The following TMED8 variants were observed in gnomAD, a reference collection of about 807,000 sequenced individuals.
TMED8 encodes protein TMED8.
TMED8 carries 15 observed loss-of-function variants against 32.7 expected under a neutral mutation model. That is an observed-to-expected ratio of 0.46 (90% confidence interval 0.31 to 0.71). The LOEUF is 0.71. Among genes scored for constraint, TMED8 ranks in the 30% least tolerant of loss-of-function variants. The probability of loss-of-function intolerance (pLI) is 0.06; values close to 1 mark genes in which losing one functional copy is unlikely to be tolerated. For synonymous variants in TMED8, 147 were observed against 161.4 expected, an observed-to-expected ratio of 0.91 and a Z score of 0.68; for missense variants, 390 against 423.9, an observed-to-expected ratio of 0.92 and a Z score of 0.70.
At chr14:77,358,107 G>T (rs1316457676) in intron 1 of TMED8, among the ~76,000 whole-genome samples, 2 of 137,100 alleles carry the variant, frequency 1.5e-5, no homozygotes, top group African/African-American at 5.5e-5. Context: ...CTGGGTGATG[G>T]AGTGAGGCTC....
intron 1 of TMED8, among the ~76,000 whole-genome samples, chr14:77,356,151 CT>C (rs1228620422): frequency 6.6e-6 from 1 of 152,016 alleles, no homozygotes; most frequent in Non-Finnish European, 1.5e-5. Context: ...ACAATGAGCT[CT>C]TTTTTTCTTT....
At chr14:77,370,320 A>G (rs1893648729) in intron 1 of TMED8, among the ~76,000 whole-genome samples, 2 of 152,222 alleles carry the variant, frequency 1.3e-5, no homozygotes, top group Non-Finnish European at 2.9e-5. Context: ...GACAGAAATG[A>G]AACTAGCACA....
intron 2 of TMED8, 55 bp from the exon 3 acceptor site, chr14:77,346,533 T>C: frequency 1.9e-6 from 3 of 1,604,800 alleles, no homozygotes; most frequent in Non-Finnish European, 2.6e-6. Flanking sequence ...GACTCAATCA[T>C]CCTGGAGAAA....
At chr14:77,343,590 G>A (rs1026299652) in intron 4 of TMED8, 107 bp from the exon 5 acceptor site, 7 of 1,575,292 alleles carry the variant, frequency 4.4e-6, no homozygotes, top group Non-Finnish European at 6.0e-6. Context: ...CTACTGGCTT[G>A]ACTTCCTTTC....
chr14:77,375,242 T>C (rs1226927563), intron 1 of TMED8, among the ~76,000 whole-genome samples: 1 of 151,978 alleles, frequency 6.6e-6, no homozygotes, highest in Non-Finnish European at 1.5e-5. Flanking sequence ...AAAAAAATTA[T>C]CACCCTGCAT....
At chr14:77,369,071 G>T (rs143299291) in intron 1 of TMED8, among the ~76,000 whole-genome samples, 1 of 151,930 alleles carries the variant, frequency 6.6e-6, no homozygotes, top group East Asian at 1.9e-4. Context: ...GATTTTTTGT[G>T]TATGATGTGT....
At position 77,346,346 on chromosome 14, in the gene TMED8, T is replaced by C. The variant is rs1171651831; in HGVS notation, c.327+3A>G. ...TAAGAAAGAGCCAGAATCTGCCCCCTACCTCATTGAGGACCTGGGCCTGGT... is the reference window on the plus strand; with the variant it reads ...TAAGAAAGAGCCAGAATCTGCCCCCCACCTCATTGAGGACCTGGGCCTGGT... On this transcript the variant is annotated splice_donor_region_variant and intron_variant, in intron 3 of 5. Transcript: ENST00000216468. 4 of 1,613,900 alleles carry C rather than the reference T, an allele frequency of 2.5e-6. No individual in the cohort carries two copies. Among genetic ancestry groups the C allele is most frequent in the Non-Finnish European group, 8.5e-7 (1 of 1,179,940 alleles).
intron 2 of TMED8, among the ~76,000 whole-genome samples, chr14:77,348,094 T>C (rs1305482491): frequency 6.6e-6 from 1 of 152,236 alleles, no homozygotes; most frequent in African/African-American, 2.4e-5. Flanking sequence ...AAGAGATTTA[T>C]GTCTCTCTTT....
chr14:77,342,371 AG>A (rs1304422927), intron 5 of TMED8, among the ~76,000 whole-genome samples: 1 of 152,186 alleles, frequency 6.6e-6, no homozygotes, highest in African/African-American at 2.4e-5. Context: ...ATCATTTAGT[AG>A]GTGAAAGGAC....
intron 2 of TMED8, among the ~76,000 whole-genome samples, chr14:77,348,935 G>A (rs1006361085): frequency 2.6e-5 from 4 of 151,878 alleles, no homozygotes; most frequent in Non-Finnish European, 4.4e-5. Flanking sequence ...CTAGGCTGTG[G>A]GTCTATTTTA....
At chr14:77,349,744 C>A (rs541523213) in intron 2 of TMED8, among the ~76,000 whole-genome samples, 46 of 152,280 alleles carry the variant, frequency 3.0e-4, no homozygotes, top group African/African-American at 9.9e-4. Flanking sequence ...CCTATTACTG[C>A]CTGACATGAT....
intron 4 of TMED8, 46 bp downstream of exon 4, chr14:77,343,651 G>A (rs1351448912): frequency 1.9e-6 from 3 of 1,606,588 alleles, no homozygotes; most frequent in East Asian, 2.2e-5. Flanking sequence ...CTTTCTTTGA[G>A]TATCTACTGG....
In TMED8 at chr14:77,338,006, A is replaced by C. The variant is rs1892804915; in HGVS notation, c.*3765T>G. 1 of 152,134 alleles carries C rather than the reference A, an allele frequency of 6.6e-6. No individual in the cohort carries two copies. Among genetic ancestry groups the C allele is most frequent in the African/African-American group, 2.4e-5 (1 of 41,434 alleles). The allele number at this position is 152,134 out of a possible 1,614,324, so 9.4% of individuals were successfully genotyped here. On this transcript the variant is annotated 3_prime_UTR_variant, in exon 6 of 6. Coordinates refer to ENST00000216468, the MANE Select transcript of TMED8 (RefSeq NM_213601.3). ...AGGGGATCTCAAAGGAACCTGAAAA[A>C]CTAGTCCATGATGGGAAGACAGGGT...
intron 2 of TMED8, 96 bp from the exon 3 acceptor site, chr14:77,346,574 C>T: frequency 6.9e-7 from 1 of 1,448,576 alleles, no homozygotes. Context: ...CGAGATACCC[C>T]CTGCCCCACC....
rs933807791 is a variant in TMED8 at position 77,337,432 on chromosome 14, A to G, written c.*4339T>C. The G allele has an allele frequency of 2.0e-5, 3 of 152,048 alleles. No individual in the cohort carries two copies. Among genetic ancestry groups the G allele is most frequent in the Admixed American group, 6.6e-5 (1 of 15,248 alleles). The allele number at this position is 152,048 out of a possible 1,614,324, so 9.4% of individuals were successfully genotyped here. ...GAGACGGAATCTTGCTCTGTTGCCC[A>G]GTCTGGAGTGCAGTGGCATGATCTC... On this transcript the variant is annotated 3_prime_UTR_variant, in exon 6 of 6. Coordinates refer to ENST00000216468, the MANE Select transcript of TMED8 (RefSeq NM_213601.3).
At chr14:77,349,683 T>C (rs1893135751) in intron 2 of TMED8, among the ~76,000 whole-genome samples, 1 of 152,240 alleles carries the variant, frequency 6.6e-6, no homozygotes, top group Non-Finnish European at 1.5e-5. Context: ...TGCCCCTTCC[T>C]GGCCTTGTCA....
chr14:77,336,750 C>T lies in TMED8; in HGVS notation c.*5021G>A, dbSNP rs1159831190. ...TAACTTATGCCCCTCCCTTATGCTC[C>T]ACTAAAACAAGTCTCTTATGTAAAT... On this transcript the variant is annotated 3_prime_UTR_variant, in exon 6 of 6. Coordinates refer to ENST00000216468, the MANE Select transcript of TMED8 (RefSeq NM_213601.3). 6.6e-6 allele frequency: 1 copy of T among 152,030 alleles called. No individual in the cohort carries two copies. The highest frequency in any genetic ancestry group is 1.5e-5 in the Non-Finnish European group (1 of 68,022). The allele number at this position is 152,030 out of a possible 1,614,324, so 9.4% of individuals were successfully genotyped here. A position where few individuals can be genotyped will look rare whatever the true frequency, so the allele number is the denominator to read the frequency against.
chr14:77,371,456 T>C (rs1314502581), intron 1 of TMED8, among the ~76,000 whole-genome samples: 1 of 152,230 alleles, frequency 6.6e-6, no homozygotes, highest in Non-Finnish European at 1.5e-5. Flanking sequence ...AAAAATATGC[T>C]TTTGATTTTT....
At chr14:77,366,731 A>G (rs56380751) in intron 1 of TMED8, among the ~76,000 whole-genome samples, 1 of 152,322 alleles carries the variant, frequency 6.6e-6, no homozygotes, top group African/African-American at 2.4e-5. Flanking sequence ...AGTTTTTTGT[A>G]GGCATCACCA....
Sources: gnomAD v4.1 joint callset for allele counts (sites outside exome capture counted in the v4.1 genomes callset) on GRCh38, gnomAD v4.1.1 for gene constraint, MANE v1.5 for transcripts, NCBI Gene and HGNC (gene_info 2026-07-23, HGNC 2026-07-21) for gene names.